Variants in NIPSNAP2 observed in about 807,000 individuals in gnomAD.
NIPSNAP2 encodes protein NipSnap homolog 2.
In NIPSNAP2, 42 loss-of-function variants were observed where a neutral mutation model predicts 48.4. The observed-to-expected ratio is 0.87, with a 90% CI of 0.68 to 1.12. The LOEUF (loss-of-function observed/expected upper bound fraction) is 1.12. NIPSNAP2 is among the 50% of genes most tolerant of loss of function. The pLI is 0.00. For missense variants in NIPSNAP2, 314 were observed against 347.3 expected (o/e 0.90, Z 0.76); for synonymous variants, 158 against 126.6 (o/e 1.25, Z -1.67).
intron 6 of NIPSNAP2, among the ~76,000 whole-genome samples, chr7:55,984,152 C>T (rs541076430): frequency 6.6e-6 from 1 of 152,186 alleles, no homozygotes; most frequent in East Asian, 1.9e-4. Flanking sequence ...CAATATGTAA[C>T]ATCTGTTGTG....
At chr7:55,976,852 A>G (rs1200795357) in intron 1 of NIPSNAP2, among the ~76,000 whole-genome samples, 2 of 152,116 alleles carry the variant, frequency 1.3e-5, no homozygotes, top group Admixed American at 1.3e-4. Flanking sequence ...GAGCTATCGC[A>G]CCACCACACA....
intron 7 of NIPSNAP2, among the ~76,000 whole-genome samples, chr7:55,992,803 C>T (rs1339271289): frequency 1.3e-5 from 2 of 152,134 alleles, no homozygotes; most frequent in East Asian, 1.9e-4. Context: ...TATGGATTTA[C>T]TGGGTAATGC....
At chr7:55,998,828 G>A (rs771961892) in intron 9 of NIPSNAP2, among the ~76,000 whole-genome samples, 180 bp from the exon 10 acceptor site, 4 of 152,130 alleles carry the variant, frequency 2.6e-5, no homozygotes, top group Non-Finnish European at 2.9e-5. Flanking sequence ...CTTGTAGGAT[G>A]GCAGCTGATA....
intron 7 of NIPSNAP2, among the ~76,000 whole-genome samples, chr7:55,987,006 A>AAAC (rs1787345369): frequency 7.3e-6 from 1 of 137,078 alleles, no homozygotes; most frequent in Non-Finnish European, 1.6e-5. Context: ...AAAAAAAAAA[A>AAAC]AAAACTTGCC....
intron 9 of NIPSNAP2, 146 bp from the exon 10 acceptor site, chr7:55,998,862 C>T: frequency 1.4e-6 from 1 of 703,602 alleles, no homozygotes; most frequent in African/African-American, 1.8e-5. Context: ...TATATTTCTG[C>T]CCTTGAGGTT....
intron 1 of NIPSNAP2, among the ~76,000 whole-genome samples, chr7:55,969,982 CAA>C (rs759505196): frequency 4.5e-4 from 25 of 56,148 alleles, no homozygotes; most frequent in Admixed American, 6.4e-4. Flanking sequence ...GACTCTGTCT[CAA>C]AAAAAAAAAA....
chr7:55,996,421 C>G (rs1787565551), intron 8 of NIPSNAP2, among the ~76,000 whole-genome samples: 1 of 152,102 alleles, frequency 6.6e-6, no homozygotes, highest in Non-Finnish European at 1.5e-5. Context: ...TTTTCAACTT[C>G]AACACCCACC....
chr7:55,999,282 CTT>C lies in NIPSNAP2; in HGVS notation c.*212_*213del. ...GATTGTGACAGTGCCTTGTCGTCCT[CTT>C]TGAAACACCCCGTGTTGTCCAGTAT... is the stretch of plus-strand genomic sequence containing the variant. On this transcript the variant is annotated 3_prime_UTR_variant, in exon 10 of 10. Transcript: ENST00000322090. The C allele has an allele frequency of 3.5e-6, 2 of 572,922 alleles. No individual in the cohort carries two copies. The allele number at this position is 572,922 out of a possible 1,614,324, so 35.5% of individuals were successfully genotyped here.
chr7:55,989,709 G>A (rs553974015), intron 7 of NIPSNAP2, among the ~76,000 whole-genome samples: 1 of 152,274 alleles, frequency 6.6e-6, no homozygotes, highest in South Asian at 2.1e-4. Context: ...ACAGGAAATG[G>A]AAAGAAAAAC....
At chr7:55,986,518 C>G (rs1395491671) in intron 7 of NIPSNAP2, among the ~76,000 whole-genome samples, 1 of 151,654 alleles carries the variant, frequency 6.6e-6, no homozygotes. Context: ...AAAAATTAGC[C>G]ACGTATGGCG....
intron 1 of NIPSNAP2, among the ~76,000 whole-genome samples, chr7:55,974,382 A>G (rs746843894): frequency 7.9e-5 from 12 of 152,104 alleles, no homozygotes; most frequent in Admixed American, 4.6e-4. Flanking sequence ...TATGAAATCC[A>G]TGTGTTCATT....
chr7:55,982,182 G>T (rs1304307053), intron 4 of NIPSNAP2, 28 bp from the exon 5 acceptor site: 2 of 1,454,152 alleles, frequency 1.4e-6, no homozygotes, highest in South Asian at 2.3e-5. Flanking sequence ...AATTCTAAAC[G>T]TATACTGTCT....
chr7:55,969,447 C>T (rs913467807), intron 1 of NIPSNAP2, among the ~76,000 whole-genome samples: 1 of 152,238 alleles, frequency 6.6e-6, no homozygotes, highest in African/African-American at 2.4e-5. Context: ...TGACCATCTG[C>T]TCCTCTTCTT....
At chr7:55,994,237 C>A (rs1234963746) in intron 7 of NIPSNAP2, among the ~76,000 whole-genome samples, 7 of 152,182 alleles carry the variant, frequency 4.6e-5, no homozygotes, top group Admixed American at 4.6e-4. Flanking sequence ...TCTGGAGAAG[C>A]AGTGCTTTTT....
intron 3 of NIPSNAP2, chr7:55,979,879 C>T (rs60160896): frequency 0.35 from 159,336 of 456,208 alleles, 29,552 homozygotes; most frequent in Non-Finnish European, 0.41. Context: ...CTTACAATCT[C>T]CATTCAGGTA....
intron 1 of NIPSNAP2, among the ~76,000 whole-genome samples, chr7:55,973,078 C>T (rs2116335800): frequency 6.6e-6 from 1 of 152,056 alleles, no homozygotes; most frequent in South Asian, 2.1e-4. Context: ...TGCACTCCAG[C>T]CTGAGTGACA....
intron 7 of NIPSNAP2, among the ~76,000 whole-genome samples, chr7:55,985,772 G>A (rs956998558): frequency 3.3e-5 from 5 of 150,250 alleles, no homozygotes; most frequent in African/African-American, 9.8e-5. Context: ...AAAAGTCCGG[G>A]CATGTTGGCT....
At chr7:55,993,159 C>T (rs1311099913) in intron 7 of NIPSNAP2, among the ~76,000 whole-genome samples, 5 of 151,640 alleles carry the variant, frequency 3.3e-5, no homozygotes, top group Admixed American at 1.3e-4. Flanking sequence ...ATTAGCCAGG[C>T]GTGGTGGTGC....
At chr7:55,985,769 C>T (rs926675099) in intron 7 of NIPSNAP2, among the ~76,000 whole-genome samples, 8 of 148,092 alleles carry the variant, frequency 5.4e-5, no homozygotes, top group Admixed American at 1.3e-4. Flanking sequence ...AAAAAAAGTC[C>T]GGGCATGTTG....
Sources: allele counts gnomAD v4.1 joint callset (sites outside exome capture counted in the v4.1 genomes callset), GRCh38; gene constraint gnomAD v4.1.1; transcripts MANE v1.5; gene names NCBI Gene and HGNC (gene_info 2026-07-23, HGNC 2026-07-21).